The following TTC19 variants were observed in gnomAD, a reference collection of about 807,000 sequenced individuals.
TTC19 encodes tetratricopeptide repeat domain 19.
TTC19 carries 38 observed loss-of-function variants against 49.5 expected under a neutral mutation model. The ratio of observed to expected loss-of-function variants is 0.77; its 90% confidence interval spans 0.59 to 1.01. TTC19 has a LOEUF of 1.01. Ranked by LOEUF, TTC19 falls within the 50% of genes least tolerant of loss-of-function variation. TTC19 has a pLI of 0.00. For synonymous variants in TTC19, 204 were observed against 185.2 expected (o/e 1.10, Z -0.83); for missense variants, 475 against 477.7 (o/e 0.99, Z 0.05).
At chr17:16,042,998 T>C (rs2058022767) in intron 2 of TTC19, among the ~76,000 whole-genome samples, 1 of 152,016 alleles carries the variant, frequency 6.6e-6, no homozygotes, top group Admixed American at 6.6e-5. Context: ...GGCTAAGAAG[T>C]GAGCCCTGGG....
Position 16,001,958 on chromosome 17 carries a change from T to C in TTC19, c.356T>C (p.Leu119Ser), listed in dbSNP as rs1429695599. The C allele has an allele frequency of 6.2e-7, 1 of 1,613,496 alleles. No homozygotes were observed. The highest frequency in any genetic ancestry group is 1.3e-5 in the African/African-American group (1 of 74,944). Residue 119 changes from leucine (L) to serine (S), a missense_variant, in exon 3 of 10, where the codon TTG (leucine) becomes TCG (serine). Leu to Ser is a moderately radical substitution (Grantham distance 145). Transcript: ENST00000261647. ...KDEPEEAELI[L>S]HDALRLAYQT... ...GAGCCAGAAGAGGCTGAGTTAATTT[T>C]GCATGACGCTCTTCGTCTCGCCTAT...
intron 7 of TTC19, among the ~76,000 whole-genome samples, chr17:16,022,196 C>G (rs1971405920): frequency 6.6e-6 from 1 of 152,212 alleles, no homozygotes; most frequent in Non-Finnish European, 1.5e-5. Flanking sequence ...ACAACTCAAG[C>G]TACAACAAAA....
chr17:16,040,118 C>A (rs1280412451), intron 2 of TTC19: 4 of 504,744 alleles, frequency 7.9e-6, no homozygotes, highest in Non-Finnish European at 1.5e-5. Flanking sequence ...ACAGATAACT[C>A]CTTAAGGAAA....
At chr17:16,034,856 T>G in intron 2 of TTC19, 1 of 1,614,118 alleles carries the variant, frequency 6.2e-7, no homozygotes, top group Non-Finnish European at 8.5e-7. Flanking sequence ...AAGAGGGCCG[T>G]TCCGTTCCTA....
chr17:16,038,769 G>T (rs2056963260), intron 2 of TTC19, among the ~76,000 whole-genome samples: 1 of 150,926 alleles, frequency 6.6e-6, no homozygotes, highest in African/African-American at 2.5e-5. Flanking sequence ...TATTGTGTGT[G>T]TCTGTGTATG....
chr17:16,040,572 T>A, intron 2 of TTC19: 1 of 1,152,910 alleles, frequency 8.7e-7, no homozygotes, highest in Non-Finnish European at 1.3e-6. Flanking sequence ...AAAATTCCTA[T>A]AATAAAATTA....
chr17:15,999,840 G>C lies in TTC19; in HGVS notation c.-9G>C. 1 of 1,529,818 alleles carries C rather than the reference G, an allele frequency of 6.5e-7. No homozygotes were observed. Among genetic ancestry groups the C allele is most frequent in the Non-Finnish European group, 8.7e-7 (1 of 1,146,582 alleles). 94.8% of individuals were successfully genotyped at this position (1,529,818 alleles called of 1,614,324 possible). A position where few individuals can be genotyped will look rare whatever the true frequency, so the allele number is the denominator to read the frequency against. Reference sequence around the variant, plus strand: ...CTGGCCTGCAGTGCGCAGAGGACGCGGCGGGAGCATGTTCCGGCTCCTGAG... The same window carrying C: ...CTGGCCTGCAGTGCGCAGAGGACGCCGCGGGAGCATGTTCCGGCTCCTGAG... On this transcript the variant is annotated 5_prime_UTR_variant, in exon 1 of 10. Coordinates refer to ENST00000261647, the MANE Select transcript of TTC19 (RefSeq NM_017775.4).
Position 16,029,282 on chromosome 17 carries a change from A to G in TTC19, c.*1760A>G. The G allele has an allele frequency of 2.2e-6, 1 of 452,958 alleles. No homozygotes were observed. The highest frequency in any genetic ancestry group is 1.6e-5 in the South Asian group (1 of 63,914). The allele number at this position is 452,958 out of a possible 1,614,324, so 28.1% of individuals were successfully genotyped here. A position where few individuals can be genotyped will look rare whatever the true frequency, so the allele number is the denominator to read the frequency against. ...CTCTTCATGTGGGTGTTTTCATTAC[A>G]GTTCATTTACACTGTTGTAAAATAA... On this transcript the variant is annotated 3_prime_UTR_variant, in exon 10 of 10. Transcript: ENST00000261647.
intron 2 of TTC19, chr17:16,040,704 A>T (rs1394547758): frequency 1.7e-6 from 1 of 585,082 alleles, no homozygotes; most frequent in African/African-American, 1.9e-5. Context: ...TTTAAAGGGA[A>T]ATCAGGAAAT....
intron 7 of TTC19, among the ~76,000 whole-genome samples, chr17:16,018,468 TTTA>T (rs773803148): frequency 3.9e-5 from 6 of 152,184 alleles, no homozygotes. Flanking sequence ...ACATTACCAA[TTTA>T]TTATTAAGAA....
At chr17:16,029,720 T>G (rs1328126039), downstream of TTC19, 1 of 152,840 alleles carries the variant, frequency 6.5e-6, no homozygotes, top group Non-Finnish European at 1.5e-5. Context: ...TGAACCTCCA[T>G]AGGTAAACCA....
chr17:16,034,058 G>A (rs912010210), downstream of TTC19, among the ~76,000 whole-genome samples: 1 of 152,130 alleles, frequency 6.6e-6, no homozygotes, highest in African/African-American at 2.4e-5. Context: ...ATTTCCCTAA[G>A]AACTTTTTCT....
intron 2 of TTC19, chr17:16,039,766 G>T (rs2057194122): frequency 3.2e-6 from 3 of 937,062 alleles, no homozygotes; most frequent in Admixed American, 2.2e-5. Context: ...AAGTGACCTA[G>T]AACAATACCA....
rs114384924 is a variant in TTC19 at position 16,035,283 on chromosome 17, T to C, written c.247+8581T>C. Among the ~76,000 whole-genome samples, 644 of 152,342 alleles carry C rather than the reference T, an allele frequency of 4.2e-3. 8 individuals are homozygous for C. The highest frequency in any genetic ancestry group is 0.015 in the African/African-American group (619 of 41,584). On this transcript the variant is annotated intron_variant, in intron 2 of 2. Transcript: ENST00000470649. ...TGCAATGATAGCATTTTAGCCACAGTAGAACTTTCAAAATTGGAGTTGATC... is the reference window on the plus strand; with the variant it reads ...TGCAATGATAGCATTTTAGCCACAGCAGAACTTTCAAAATTGGAGTTGATC...
In TTC19 at chr17:16,003,915, T is replaced by A. The variant is rs763274477; in HGVS notation, c.519+28T>A. ...AAGGACATTGCCTAGTATTGGCCCC[T>A]CACTGAAGCAGTTTTCAAAACAGTC... On this transcript the variant is annotated intron_variant, in intron 5 of 9. Coordinates refer to ENST00000261647, the MANE Select transcript of TTC19 (RefSeq NM_017775.4). 14 of 1,610,086 alleles carry A rather than the reference T, an allele frequency of 8.7e-6. No homozygotes were observed. In the East Asian group the frequency reaches 2.9e-4, roughly 33 times the overall value.
In TTC19 at chr17:16,013,196, T is replaced by C. The variant is rs543082198; in HGVS notation, c.676+6628T>C. On this transcript the variant is annotated intron_variant, in intron 7 of 9. Coordinates refer to ENST00000261647, the MANE Select transcript of TTC19 (RefSeq NM_017775.4). Reference sequence around the variant, plus strand: ...TTCAGCACAGGCAATAGAGACCCTGTCTCAAAAAAAATTAAAATTATACAA... The same window carrying C: ...TTCAGCACAGGCAATAGAGACCCTGCCTCAAAAAAAATTAAAATTATACAA... Among the ~76,000 whole-genome samples, 14 of 152,276 alleles carry C rather than the reference T, an allele frequency of 9.2e-5. No homozygotes were observed. The South Asian group carries it at 2.9e-3, about 32-fold the overall frequency.
chr17:16,041,417 T>TTTTTTTTTTTTTC (rs2057565621), intron 2 of TTC19: 1 of 149,054 alleles, frequency 6.7e-6, no homozygotes, highest in African/African-American at 2.5e-5. Context: ...TTTTTTTTTT[T>TTTTTTTTTTTTTC]TTTTTCCTTT....
intron 7 of TTC19, 177 bp from the exon 8 acceptor site, chr17:16,024,840 C>T: frequency 3.1e-6 from 2 of 639,066 alleles, no homozygotes; most frequent in Non-Finnish European, 5.6e-6. Flanking sequence ...TCTTAATCTA[C>T]TTAAAATGTG....
Position 16,027,377 on chromosome 17 carries a change from G to C in TTC19, c.998G>C (p.Arg333Pro). The C allele has an allele frequency of 1.2e-6, 2 of 1,613,694 alleles. No homozygotes were observed. Reference protein sequence around the residue: ...NLAAVLMHRERYTQAKEIYQE... With the variant: ...NLAAVLMHREPYTQAKEIYQE... ...CCTTCTCTCTGGGTTATTTTAGAAC[G>C]ATATACACAAGCAAAAGAGATCTAC... is the stretch of plus-strand genomic sequence containing the variant. Residue 333 changes from arginine (R) to proline (P), a missense_variant, in exon 10 of 10, where the codon CGA becomes CCA. Coordinates refer to ENST00000261647, the MANE Select transcript of TTC19 (RefSeq NM_017775.4).
Sources: allele counts gnomAD v4.1 joint callset (sites outside exome capture counted in the v4.1 genomes callset), GRCh38; gene constraint gnomAD v4.1.1; transcripts MANE v1.5; gene names NCBI Gene and HGNC (gene_info 2026-07-23, HGNC 2026-07-21).